Variants in MACF1 observed in about 807,000 individuals in gnomAD.
MACF1 encodes the protein microtubule-actin cross-linking factor 1.
In MACF1, 193 loss-of-function variants were observed where a neutral mutation model predicts 854.8. The ratio of observed to expected loss-of-function variants is 0.23; its 90% CI spans 0.20 to 0.25. The LOEUF is 0.25. Ranked by LOEUF, MACF1 falls within the 10% of genes least tolerant of loss-of-function variation. The pLI is 1.00. For missense variants in MACF1, 7,722 were observed against 8,929.1 expected, an observed-to-expected ratio of 0.86 and a Z score of 5.45; for synonymous variants, 3,185 against 3,226.7, an observed-to-expected ratio of 0.99 and a Z score of 0.44.
intron 2 of MACF1, chr1:39,103,210 G>A (rs544342138): frequency 2.2e-5 from 8 of 356,706 alleles, no homozygotes; most frequent in Middle Eastern, 9.9e-4. Flanking sequence ...TTCTCACAGC[G>A]GACTCTTCCC....
chr1:39,465,264 C>T, intron 95 of MACF1, 152 bp downstream of exon 95: 1 of 764,014 alleles, frequency 1.3e-6, no homozygotes, highest in Non-Finnish European at 2.3e-6. Flanking sequence ...TTGATGGGGC[C>T]AGCATTGCAA....
At chr1:39,411,576 G>A (rs1643008614) in intron 58 of MACF1, 1 of 1,613,894 alleles carries the variant, frequency 6.2e-7, no homozygotes, top group African/African-American at 1.3e-5. Context: ...GAACTGCTCA[G>A]GGGTTAGAGG....
In MACF1 at chr1:39,224,176, C is replaced by T. The variant is rs536561769; in HGVS notation, c.110-7006C>T. Among the ~76,000 whole-genome samples the T allele has an allele frequency of 9.9e-4, 151 of 151,892 alleles. 1 individual carries two copies. The highest frequency in any genetic ancestry group is 3.5e-3 in the African/African-American group (144 of 41,408). On this transcript the variant is annotated intron_variant, in intron 1 of 100. Transcript: ENST00000564288. ...ATTTTTATTGAAAAGCTATGGACAT[C>T]CCCCTACTCCCCCCCATACACACAT...
At chr1:39,459,455 G>A (rs1196212602) in intron 91 of MACF1, among the ~76,000 whole-genome samples, 2 of 152,186 alleles carry the variant, frequency 1.3e-5, no homozygotes, top group Admixed American at 6.5e-5. Flanking sequence ...TGACAGAGTA[G>A]GCTAAAGCTT....
Position 39,134,756 on chromosome 1 carries a change from CAA to C in MACF1, c.220+50319_220+50320del, listed in dbSNP as rs1557474852. On this transcript the variant is annotated intron_variant, in intron 2 of 93. Transcript: ENST00000361689. The stretch of plus-strand genomic sequence containing the variant: ...TTTTTATTAGTAGGAGTCATAATAA[CAA>C]TACGCTTGATTTTTTTATGATAAAA... 2.0e-5 allele frequency among the ~76,000 whole-genome samples: 3 copies of C among 152,182 alleles called. No homozygotes were observed. The South Asian group carries it at 6.2e-4, about 32-fold the overall frequency.
At position 39,385,663 on chromosome 1, in the gene MACF1, A is replaced by G; in HGVS notation, c.14078A>G (p.Gln4693Arg). Residue 4693 changes from glutamine to arginine, a missense_variant, in exon 57 of 101, where the codon CAG becomes CGG. By Grantham distance (43) the Gln-to-Arg change is conservative. Around this residue, in one of 15 missense-constraint regions of MACF1, gnomAD observed 2,807 missense variants for 3,235.8 expected, o/e 0.87. Coordinates refer to ENST00000564288, the MANE Select transcript of MACF1 (RefSeq NM_001394062.1). ...AGCACCCAGTACCAGGAACTGCTCC[A>G]GGACTTATCAGAGAAGGTGAGGGCA... ...VKSTQYQELL[Q>R]DLSEKVRAVG... 6.2e-7 allele frequency: 1 copy of G among 1,614,194 alleles called. No individual in the cohort carries two copies. Among genetic ancestry groups the G allele is most frequent in the African/African-American group, 1.3e-5 (1 of 75,066 alleles).
intron 7 of MACF1, chr1:39,282,982 A>C (rs979891136): frequency 3.2e-5 from 16 of 506,288 alleles, no homozygotes; most frequent in Non-Finnish European, 5.2e-5. Context: ...AACAAACCTA[A>C]ACTGTATGTT....
intron 38 of MACF1, among the ~76,000 whole-genome samples, chr1:39,338,822 C>T (rs575983014): frequency 1.5e-4 from 23 of 152,172 alleles, no homozygotes; most frequent in Non-Finnish European, 3.1e-4. Context: ...AACTGTATGG[C>T]CCAGCTCCAT....
At chr1:39,290,645 G>T (rs1984143) in intron 15 of MACF1, among the ~76,000 whole-genome samples, 54 of 120,512 alleles carry the variant, frequency 4.5e-4, no homozygotes, top group Admixed American at 1.1e-3. Flanking sequence ...TTTATTCTTC[G>T]TTTTTCATTG....
At chr1:39,427,349 A>G (rs2148645415) in intron 61 of MACF1, 106 bp from the exon 62 acceptor site, 1 of 954,360 alleles carries the variant, frequency 1.0e-6, no homozygotes, top group Non-Finnish European at 1.6e-6. Flanking sequence ...TACTATTGGT[A>G]TTTAAACTAT....
At chr1:39,401,827 T>C (rs528206395) in intron 58 of MACF1, among the ~76,000 whole-genome samples, 3 of 152,378 alleles carry the variant, frequency 2.0e-5, no homozygotes, top group African/African-American at 7.2e-5. Context: ...TTGTCATCAA[T>C]GATAAGAATT....
rs142001499 is a variant in MACF1 at position 39,357,634 on chromosome 1, G to T, written c.11684G>T (p.Arg3895Leu). ...AAAGAGTTTGAAAGCTGGTTGGAACGATCCGAGAAAGAGCTGGAGAACATG... is the reference window on the plus strand; with the variant it reads ...AAAGAGTTTGAAAGCTGGTTGGAACTATCCGAGAAAGAGCTGGAGAACATG... ...DHKEFESWLE[R>L]SEKELENMHK... The change falls in exon 45 of 101, where the codon CGA (arginine) becomes CTA (leucine). Residue 3895 changes from arginine to leucine, a missense_variant. This residue lies in a region of MACF1 where 2,807 missense variants were observed against 3,235.8 expected (regional missense o/e 0.87). Coordinates refer to ENST00000564288, the MANE Select transcript of MACF1 (RefSeq NM_001394062.1). 6 of 1,614,112 alleles carry T rather than the reference G, an allele frequency of 3.7e-6. No individual in the cohort carries two copies. The highest frequency in any genetic ancestry group is 5.1e-6 in the Non-Finnish European group (6 of 1,180,016).
intron 6 of MACF1, chr1:39,268,998 G>A (rs928417079): frequency 1.7e-5 from 22 of 1,287,118 alleles, no homozygotes; most frequent in Admixed American, 4.6e-5. Context: ...ACGGGTAGTC[G>A]ATCGGGGGAT....
chr1:39,322,875 A>T (rs975766880), intron 32 of MACF1, 35 bp from the exon 33 acceptor site: 1 of 1,583,278 alleles, frequency 6.3e-7, no homozygotes, highest in African/African-American at 1.3e-5. Flanking sequence ...ATTTTCTGGC[A>T]GACGATTTAT....
chr1:39,142,445 A>G (rs12081736), intron 2 of MACF1, among the ~76,000 whole-genome samples: 4,791 of 152,258 alleles, frequency 0.031, 246 homozygotes, highest in African/African-American at 0.11. Context: ...TTCATCAAGT[A>G]TACTCCAAAT....
At chr1:39,468,281 C>G (rs999466795) in intron 95 of MACF1, 1 of 190,538 alleles carries the variant, frequency 5.2e-6, no homozygotes. Flanking sequence ...CCCAGCTACT[C>G]GGGAGGCTGA....
rs1460792939 is a variant in MACF1, at chr1:39,387,787, A to G, written c.14945A>G (p.Asp4982Gly). The G allele has an allele frequency of 6.2e-7, 1 of 1,614,160 alleles. No individual in the cohort carries two copies. The highest frequency in any genetic ancestry group is 2.2e-5 in the East Asian group (1 of 44,886). Reference sequence around the variant, plus strand: ...GAAGCAGATGAGGATGGAATCCGGGATGAGAAGGCTGGGATCAACCAGAAC... The same window carrying G: ...GAAGCAGATGAGGATGGAATCCGGGGTGAGAAGGCTGGGATCAACCAGAAC... ...SSEADEDGIR[D>G]EKAGINQNMD... is the part of the protein sequence containing the mutation. Residue 4982 changes from aspartate (D) to glycine (G), a missense_variant, in exon 58 of 101, where the codon GAT becomes GGT. Asp to Gly is a moderately conservative substitution (Grantham distance 94, BLOSUM62 -1). Coordinates refer to ENST00000564288, the MANE Select transcript of MACF1 (RefSeq NM_001394062.1).
chr1:39,463,762 C>CT (rs2124083668), intron 94 of MACF1, 76 bp downstream of exon 94: 7 of 1,291,180 alleles, frequency 5.4e-6, no homozygotes, highest in Non-Finnish European at 7.8e-6. Flanking sequence ...CCTCCTGATG[C>CT]TTAGAGGCCC....
At chr1:39,337,778 T>TG (rs1269982197) in intron 38 of MACF1, among the ~76,000 whole-genome samples, 23 of 145,730 alleles carry the variant, frequency 1.6e-4, no homozygotes, top group African/African-American at 1.3e-4. Context: ...TGTGTGTGTG[T>TG]TTTTTTTTTG....
Sources: gnomAD v4.1 joint callset for allele counts (sites outside exome capture counted in the v4.1 genomes callset) on GRCh38, gnomAD v4.1.1 for gene constraint, gnomAD v4.1.1 regional missense constraint, MANE v1.5 for transcripts, NCBI Gene and HGNC (gene_info 2026-07-23, HGNC 2026-07-21) for gene names.